Variants in MDFIC2 observed in about 807,000 individuals in gnomAD.
MDFIC2 encodes the protein myoD family inhibitor domain-containing protein 2.
At chr3:70,257,527 C>T (rs1042687530) in intron 2 of MDFIC2, among the ~76,000 whole-genome samples, 1 of 151,746 alleles carries the variant, frequency 6.6e-6, no homozygotes, top group African/African-American at 2.4e-5. Flanking sequence ...GGAGGGAGAA[C>T]TGGAAAATCA....
At chr3:70,269,882 A>C (rs6792331) in intron 2 of MDFIC2, among the ~76,000 whole-genome samples, 78,085 of 152,018 alleles carry the variant, frequency 0.51, 21,461 homozygotes, top group Non-Finnish European at 0.62. Context: ...AGTCAAATAT[A>C]AACTTAGAAA....
chr3:70,264,570 C>A (rs1366099379), intron 2 of MDFIC2, among the ~76,000 whole-genome samples: 2 of 152,186 alleles, frequency 1.3e-5, no homozygotes, highest in Admixed American at 6.5e-5. Flanking sequence ...TTGGGTGAGT[C>A]AAACAGTTGC....
At chr3:70,291,308 C>A (rs1259976156) in intron 2 of MDFIC2, 5 of 151,990 alleles carry the variant, frequency 3.3e-5, no homozygotes, top group Non-Finnish European at 5.9e-5. Context: ...TAGCAGCCAA[C>A]TCATTTTTTT....
At chr3:70,252,869 C>T (rs1255194446) in intron 2 of MDFIC2, among the ~76,000 whole-genome samples, 2 of 151,864 alleles carry the variant, frequency 1.3e-5, no homozygotes, top group Non-Finnish European at 2.9e-5. Context: ...CACCTGAGGT[C>T]AGGAGTTCGA....
chr3:70,274,947 G>T (rs1702008561), intron 2 of MDFIC2, among the ~76,000 whole-genome samples: 1 of 152,026 alleles, frequency 6.6e-6, no homozygotes, highest in Non-Finnish European at 1.5e-5. Flanking sequence ...ATAAAAGTGG[G>T]AAATAAAATC....
At chr3:70,271,134 A>G (rs1490359327) in intron 2 of MDFIC2, among the ~76,000 whole-genome samples, 1 of 152,182 alleles carries the variant, frequency 6.6e-6, no homozygotes, top group Non-Finnish European at 1.5e-5. Context: ...TGCAAAAGTC[A>G]TTGTGGTTTT....
At chr3:70,220,841 C>G (rs1378554047) in intron 2 of MDFIC2, among the ~76,000 whole-genome samples, 2 of 152,096 alleles carry the variant, frequency 1.3e-5, no homozygotes, top group Non-Finnish European at 2.9e-5. Context: ...TTTGTGCTTC[C>G]ATGACATTCA....
intron 2 of MDFIC2, among the ~76,000 whole-genome samples, chr3:70,304,919 C>T (rs1186166359): frequency 6.6e-6 from 1 of 151,888 alleles, no homozygotes; most frequent in African/African-American, 2.4e-5. Flanking sequence ...TTTCCTTTCC[C>T]TTCCTTCCTT....
chr3:70,281,270 A>G (rs1702079725), intron 2 of MDFIC2, among the ~76,000 whole-genome samples: 1 of 152,140 alleles, frequency 6.6e-6, no homozygotes, highest in African/African-American at 2.4e-5. Flanking sequence ...ACCTCCCCAG[A>G]TTCGTGTCAA....
At position 70,312,550 on chromosome 3, in the gene MDFIC2, C is replaced by T. The variant is rs1038573754; in HGVS notation, c.-1+1G>A. The T allele has an allele frequency of 4.6e-5, 7 of 152,246 alleles. No homozygotes were observed. Among genetic ancestry groups the T allele is most frequent in the African/African-American group, 1.7e-4 (7 of 41,456 alleles). 9.4% of individuals were successfully genotyped at this position (152,246 alleles called of 1,614,324 possible). A position where few individuals can be genotyped will look rare whatever the true frequency, so the allele number is the denominator to read the frequency against. On this transcript the variant is annotated splice_donor_variant, in intron 1 of 3. Transcript: ENST00000567252. LOFTEE classifies it low-confidence loss of function (5UTR_SPLICE). ...TTGAATCAGCACTGCAAGGTACTCACCTGTGTGTTCCAAAGGGAGGCCCAA... is the reference window on the plus strand; with the variant it reads ...TTGAATCAGCACTGCAAGGTACTCATCTGTGTGTTCCAAAGGGAGGCCCAA...
chr3:70,290,730 C>A (rs1702228585), intron 2 of MDFIC2, among the ~76,000 whole-genome samples: 1 of 152,146 alleles, frequency 6.6e-6, no homozygotes, highest in Non-Finnish European at 1.5e-5. Flanking sequence ...GGCGTAGGAC[C>A]CTCCGAGCCA....
intron 2 of MDFIC2, among the ~76,000 whole-genome samples, chr3:70,265,528 G>A (rs965845623): frequency 1.1e-4 from 17 of 150,316 alleles, no homozygotes; most frequent in Non-Finnish European, 2.2e-4. Flanking sequence ...GTTCATGAGC[G>A]AACCTTCCCA....
intron 2 of MDFIC2, among the ~76,000 whole-genome samples, chr3:70,307,394 G>C (rs1324957210): frequency 1.3e-5 from 2 of 152,044 alleles, no homozygotes; most frequent in Non-Finnish European, 2.9e-5. Flanking sequence ...CCTTCATCTT[G>C]ATGTTTCTCT....
chr3:70,226,600 T>C (rs546068114), intron 2 of MDFIC2, among the ~76,000 whole-genome samples: 5 of 151,558 alleles, frequency 3.3e-5, no homozygotes, highest in South Asian at 2.1e-4. Flanking sequence ...TAGCCAGGCA[T>C]GGTGGCGGGT....
rs1387801765 is a variant in MDFIC2, at chr3:70,289,982, C to T, written c.88+21904G>A. ...TCTTCTAAATTCTTTTCAAAGTTTT[C>T]AACTTCTTTGCCTTTGGTTTGAATG... On this transcript the variant is annotated intron_variant, in intron 2 of 3. Transcript: ENST00000567252. Among the ~76,000 whole-genome samples the T allele has an allele frequency of 2.0e-5, 3 of 152,114 alleles. No homozygotes were observed. The East Asian group carries it at 5.8e-4, about 29-fold the overall frequency.
chr3:70,212,813 G>A (rs1184123419), intron 2 of MDFIC2, among the ~76,000 whole-genome samples: 1 of 151,472 alleles, frequency 6.6e-6, no homozygotes, highest in Non-Finnish European at 1.5e-5. Flanking sequence ...TTTGAGACAG[G>A]GTCTCACTCT....
intron 2 of MDFIC2, among the ~76,000 whole-genome samples, chr3:70,275,979 C>T (rs1000966960): frequency 6.6e-6 from 1 of 151,888 alleles, no homozygotes; most frequent in African/African-American, 2.4e-5. Flanking sequence ...TGGAATTACC[C>T]ATGATTTTAT....
chr3:70,301,359 A>G (rs540266182), intron 2 of MDFIC2, among the ~76,000 whole-genome samples: 18 of 152,152 alleles, frequency 1.2e-4, no homozygotes, highest in Non-Finnish European at 2.4e-4. Flanking sequence ...TTCCACCCAC[A>G]TTGTTTTTGC....
intron 2 of MDFIC2, among the ~76,000 whole-genome samples, chr3:70,294,699 T>C (rs1702273233): frequency 6.6e-6 from 1 of 152,150 alleles, no homozygotes; most frequent in Admixed American, 6.6e-5. Flanking sequence ...AAAGGTAGAA[T>C]GGCTCGAGGA....
Sources: gnomAD v4.1 joint callset for allele counts (sites outside exome capture counted in the v4.1 genomes callset) on GRCh38, gnomAD v4.1.1 for gene constraint, MANE v1.5 for transcripts, NCBI Gene and HGNC (gene_info 2026-07-23, HGNC 2026-07-21) for gene names.